CDCA7L: variants seen among roughly 807,000 people sequenced by gnomAD.
The protein encoded by CDCA7L is cell division cycle-associated 7-like protein.
In CDCA7L, 44 loss-of-function variants were observed where a neutral mutation model predicts 57.4. That is an observed-to-expected ratio of 0.77 (90% CI 0.60 to 0.98). CDCA7L has a LOEUF of 0.98. Ranked by LOEUF, CDCA7L falls within the 50% of genes least tolerant of loss-of-function variation. The probability of loss-of-function intolerance (pLI) is 0.00; values close to 1 mark genes in which losing one functional copy is unlikely to be tolerated. For missense variants in CDCA7L, 644 were observed against 580.6 expected, an observed-to-expected ratio of 1.11 and a Z score of -1.12; for synonymous variants, 236 against 202.8, an observed-to-expected ratio of 1.16 and a Z score of -1.39.
intron 1 of CDCA7L, among the ~76,000 whole-genome samples, chr7:21,930,477 A>G (rs1785971418): frequency 6.6e-6 from 1 of 152,030 alleles, no homozygotes; most frequent in African/African-American, 2.4e-5. Context: ...TGGGCAGATC[A>G]CGAGGTCAGG....
chr7:21,911,688 C>CA lies in CDCA7L; in HGVS notation c.231dup (p.Asp78Ter). 6.2e-7 allele frequency: 1 copy of CA among 1,613,768 alleles called. No individual in the cohort carries two copies. The highest frequency in any genetic ancestry group is 8.5e-7 in the Non-Finnish European group (1 of 1,179,834). On this transcript the variant is annotated frameshift_variant, in exon 3 of 10. Coordinates refer to ENST00000406877, the MANE Select transcript of CDCA7L (RefSeq NM_018719.5). LOFTEE classifies it high-confidence loss of function. ...CCTGCAAAATCCTCAGTCTCTGAGT[C>CA]AGTGTCCTCTATAAAAATTCTTCTT... is the stretch of plus-strand genomic sequence containing the variant.
intron 3 of CDCA7L, among the ~76,000 whole-genome samples, chr7:21,909,971 G>A (rs995637882): frequency 1.3e-5 from 2 of 152,204 alleles, no homozygotes; most frequent in African/African-American, 4.8e-5. Context: ...GGGGTGGGCA[G>A]GAGGGTGGGC....
chr7:21,906,241 G>C (rs186064203), intron 6 of CDCA7L, 48 bp downstream of exon 6: 6 of 1,532,294 alleles, frequency 3.9e-6, no homozygotes, highest in Non-Finnish European at 5.3e-6. Flanking sequence ...ACGTTTGGAG[G>C]GATGGTAGCT....
intron 2 of CDCA7L, among the ~76,000 whole-genome samples, chr7:21,913,779 G>A (rs1004115965): frequency 6.6e-6 from 1 of 152,170 alleles, no homozygotes; most frequent in African/African-American, 2.4e-5. Flanking sequence ...CAGGGCAATG[G>A]GCATCTTGGG....
intron 7 of CDCA7L, among the ~76,000 whole-genome samples, chr7:21,904,990 G>A (rs889220615): frequency 5.9e-5 from 9 of 152,126 alleles, no homozygotes; most frequent in African/African-American, 2.2e-4. Context: ...TACCTTCAAT[G>A]TGAGATCTAT....
At chr7:21,918,610 C>T (rs1785561999) in intron 1 of CDCA7L, among the ~76,000 whole-genome samples, 1 of 152,092 alleles carries the variant, frequency 6.6e-6, no homozygotes, top group African/African-American at 2.4e-5. Flanking sequence ...TTTGCATCCC[C>T]AAGGTGGTGT....
At chr7:21,926,100 G>C (rs1785817398) in intron 1 of CDCA7L, among the ~76,000 whole-genome samples, 1 of 151,992 alleles carries the variant, frequency 6.6e-6, no homozygotes. Context: ...TAAAATTAGG[G>C]CAACCACAGT....
rs530020584 is a variant in CDCA7L, at chr7:21,902,278, T to C, written c.*44A>G. On this transcript the variant is annotated 3_prime_UTR_variant, in exon 10 of 10. Coordinates refer to ENST00000406877, the MANE Select transcript of CDCA7L (RefSeq NM_018719.5). ...GGCACCAATGGTATGCATGTCTTGT[T>C]GGAGTACTCTATGGTGAGGTGGCTG... 13 of 1,566,240 alleles carry C rather than the reference T, an allele frequency of 8.3e-6. No homozygotes were observed. The highest frequency in any genetic ancestry group is 1.1e-5 in the Non-Finnish European group (12 of 1,136,930).
chr7:21,930,697 CAAAAAAAAAAAAAAA>C (rs56701381), intron 1 of CDCA7L, among the ~76,000 whole-genome samples: 4 of 51,790 alleles, frequency 7.7e-5, no homozygotes, highest in African/African-American at 3.3e-4. Flanking sequence ...GACTCCGTCT[CAAAAAAAAAAAAAAA>C]AAAAAAAAAA....
At chr7:21,919,637 G>A (rs1007504592) in intron 1 of CDCA7L, among the ~76,000 whole-genome samples, 10 of 151,964 alleles carry the variant, frequency 6.6e-5, no homozygotes, top group East Asian at 1.9e-4. Flanking sequence ...AATCCAACAC[G>A]GAGGCTTCTT....
chr7:21,902,296 G>A lies in CDCA7L; in HGVS notation c.*26C>T, dbSNP rs765310888. 1 of 1,607,732 alleles carries A rather than the reference G, an allele frequency of 6.2e-7. No individual in the cohort carries two copies. Among genetic ancestry groups the A allele is most frequent in the East Asian group, 2.2e-5 (1 of 44,880 alleles). On this transcript the variant is annotated 3_prime_UTR_variant, in exon 10 of 10. Transcript: ENST00000406877. ...GTCTTGTTGGAGTACTCTATGGTGA[G>A]GTGGCTGGTTCTGTTTGTTTTCCTC...
Position 21,901,971 on chromosome 7 carries a change from T to TGGAAGCCAA in CDCA7L, c.*350_*351insTTGGCTTCC, listed in dbSNP as rs1784895081. ...GAGTTACTGTTTGGGAAGCCAAAGA[T>TGGAAGCCAA]AGATAGATCAAGTGCAGGAGCTGAT... is the stretch of plus-strand genomic sequence containing the variant. On this transcript the variant is annotated 3_prime_UTR_variant, in exon 10 of 10. Coordinates refer to ENST00000406877, the MANE Select transcript of CDCA7L (RefSeq NM_018719.5). 3.5e-4 allele frequency: 3 copies of TGGAAGCCAA among 8,504 alleles called. No homozygotes were observed. Among genetic ancestry groups the TGGAAGCCAA allele is most frequent in the Non-Finnish European group, 6.2e-3 (1 of 162 alleles). 0.5% of individuals were successfully genotyped at this position (8,504 alleles called of 1,614,324 possible).
At chr7:21,940,846 T>A (rs973360646) in intron 1 of CDCA7L, among the ~76,000 whole-genome samples, 7 of 152,220 alleles carry the variant, frequency 4.6e-5, no homozygotes, top group African/African-American at 1.7e-4. Flanking sequence ...ATAGGTTTTC[T>A]TGGTTTTCTA....
rs1272890893 is a variant in CDCA7L at position 21,927,348 on chromosome 7, G to A, written c.25-10454C>T. 2.0e-5 allele frequency among the ~76,000 whole-genome samples: 3 copies of A among 152,074 alleles called. No individual in the cohort carries two copies. The South Asian group carries it at 6.2e-4, about 32-fold the overall frequency. On this transcript the variant is annotated intron_variant, in intron 1 of 9. Transcript: ENST00000406877. Reference sequence around the variant, plus strand: ...AAGAAGGACTCCAACAGAAATTATGGAGCTGAAAAAAATAGAATGACCAAG... The same window carrying A: ...AAGAAGGACTCCAACAGAAATTATGAAGCTGAAAAAAATAGAATGACCAAG...
chr7:21,925,132 G>C (rs1171814010), intron 1 of CDCA7L, among the ~76,000 whole-genome samples: 4 of 151,988 alleles, frequency 2.6e-5, no homozygotes, highest in African/African-American at 9.7e-5. Context: ...GCAAAGATCT[G>C]ACAAAAATAT....
chr7:21,933,342 C>T (rs1786073045), intron 1 of CDCA7L, among the ~76,000 whole-genome samples: 1 of 152,186 alleles, frequency 6.6e-6, no homozygotes, highest in Admixed American at 6.5e-5. Context: ...TATAAAGACA[C>T]ATGCACATGT....
intron 2 of CDCA7L, among the ~76,000 whole-genome samples, chr7:21,913,389 G>A (rs990998472): frequency 4.2e-4 from 63 of 151,680 alleles, no homozygotes; most frequent in African/African-American, 1.5e-3. Context: ...AATTCAAATC[G>A]TGTTTAAGGG....
chr7:21,926,071 A>G (rs12700330), intron 1 of CDCA7L, among the ~76,000 whole-genome samples: 20,642 of 152,162 alleles, frequency 0.14, 1,883 homozygotes, highest in Non-Finnish European at 0.2. Context: ...CCCTATCTCT[A>G]TAAGAAATAA....
At chr7:21,909,803 A>G (rs1785256828) in intron 3 of CDCA7L, among the ~76,000 whole-genome samples, 1 of 152,210 alleles carries the variant, frequency 6.6e-6, no homozygotes, top group Non-Finnish European at 1.5e-5. Context: ...GAAGGAAGGA[A>G]AGAACAAATG....
Sources: allele counts gnomAD v4.1 joint callset (sites outside exome capture counted in the v4.1 genomes callset), GRCh38; gene constraint gnomAD v4.1.1; transcripts MANE v1.5; gene names NCBI Gene and HGNC (gene_info 2026-07-23, HGNC 2026-07-21).